Variants in FER1L6 observed in about 807,000 individuals in gnomAD.
The protein encoded by FER1L6 is fer-1-like protein 6.
FER1L6 carries 177 observed loss-of-function variants against 219.2 expected under a neutral mutation model. The observed-to-expected ratio is 0.81, with a 90% CI of 0.71 to 0.91. The LOEUF (loss-of-function observed/expected upper bound fraction) is 0.91, where lower values mean the gene tolerates loss of function less well. FER1L6 is among the 40% of genes least tolerant of loss of function. FER1L6 has a pLI of 0.00. For missense variants in FER1L6, 2,153 were observed against 2,259.9 expected (o/e 0.95, Z 0.96); for synonymous variants, 768 against 824.3 (o/e 0.93, Z 1.17).
intron 1 of FER1L6, among the ~76,000 whole-genome samples, chr8:123,868,498 A>C (rs1253074098): frequency 2.6e-5 from 4 of 152,128 alleles, no homozygotes; most frequent in Non-Finnish European, 5.9e-5. Flanking sequence ...ATTATGGCTC[A>C]TTTCTTTATA....
At chr8:123,856,860 T>G (rs1465625138) in intron 1 of FER1L6, among the ~76,000 whole-genome samples, 1 of 152,084 alleles carries the variant, frequency 6.6e-6, no homozygotes, top group Non-Finnish European at 1.5e-5. Context: ...ACTATTGCGG[T>G]GTGATGCATC....
chr8:123,946,125 G>A (rs1157754880), intron 1 of FER1L6, among the ~76,000 whole-genome samples: 1 of 152,168 alleles, frequency 6.6e-6, no homozygotes, highest in East Asian at 1.9e-4. Context: ...GCTAAACACA[G>A]GATAAATGAA....
chr8:124,052,654 G>A (rs145683117), intron 22 of FER1L6, among the ~76,000 whole-genome samples: 2,196 of 152,034 alleles, frequency 0.014, 64 homozygotes, highest in African/African-American at 0.05. Context: ...GCGTGGTGGC[G>A]CACATCTGTA....
At chr8:124,113,965 C>T (rs888279891) in intron 39 of FER1L6, among the ~76,000 whole-genome samples, 4 of 152,174 alleles carry the variant, frequency 2.6e-5, no homozygotes, top group Admixed American at 6.5e-5. Context: ...TTCCCCTCTG[C>T]CGTTAGCAAA....
intron 1 of FER1L6, among the ~76,000 whole-genome samples, chr8:123,890,625 A>ATTGTTTTTT: frequency 1.1e-5 from 1 of 91,424 alleles, no homozygotes; most frequent in Non-Finnish European, 2.0e-5. Flanking sequence ...TAAAAATTTG[A>ATTGTTTTTT]TTTTTTTTTT....
At chr8:123,944,705 A>G (rs547099050) in intron 1 of FER1L6, among the ~76,000 whole-genome samples, 1 of 152,274 alleles carries the variant, frequency 6.6e-6, no homozygotes, top group African/African-American at 2.4e-5. Context: ...ACACTATATG[A>G]GGTACAGGGT....
At chr8:124,081,605 C>CAAAAAAAAA in intron 32 of FER1L6, among the ~76,000 whole-genome samples, 1 of 53,026 alleles carries the variant, frequency 1.9e-5, no homozygotes, top group Non-Finnish European at 4.1e-5. Flanking sequence ...ATGCAGAGAC[C>CAAAAAAAAA]AAAAAAAAAA....
intron 1 of FER1L6, among the ~76,000 whole-genome samples, chr8:123,906,859 C>A (rs747677552): frequency 5.3e-5 from 8 of 151,972 alleles, no homozygotes; most frequent in African/African-American, 1.4e-4. Flanking sequence ...TTTAACCCCC[C>A]CTTTAAAGAA....
intron 12 of FER1L6, among the ~76,000 whole-genome samples, chr8:123,995,302 C>T (rs940150277): frequency 4.6e-5 from 7 of 152,168 alleles, no homozygotes; most frequent in Non-Finnish European, 8.8e-5. Context: ...CCATGGGGTC[C>T]TGGACTTTTC....
chr8:123,853,687 C>T lies in FER1L6; in HGVS notation c.-8+1502C>T, dbSNP rs936987446. Among the ~76,000 whole-genome samples the T allele has an allele frequency of 3.9e-5, 6 of 152,180 alleles. No individual in the cohort carries two copies. Among genetic ancestry groups the T allele is most frequent in the Admixed American group, 2.6e-4 (4 of 15,282 alleles). ...ATTTTGAGAGAACCTATCCAAGTTG[C>T]ACGTATGCAGGTGACATGCTCATGG... On this transcript the variant is annotated intron_variant, in intron 1 of 40. Coordinates refer to ENST00000522917, the MANE Select transcript of FER1L6 (RefSeq NM_001039112.2). This position sits in a 1 kb window ranked among gnomAD's most constrained non-coding sequence, Gnocchi z 6.6.
At chr8:124,010,506 C>T (rs1817872856) in intron 13 of FER1L6, 88 bp from the exon 14 acceptor site, 1 of 1,520,408 alleles carries the variant, frequency 6.6e-7, no homozygotes, top group Non-Finnish European at 8.9e-7. Flanking sequence ...CGAGTCCTGC[C>T]CAGAACGTAT....
chr8:123,990,430 G>A (rs1816801613), intron 12 of FER1L6, among the ~76,000 whole-genome samples: 1 of 152,096 alleles, frequency 6.6e-6, no homozygotes, highest in Non-Finnish European at 1.5e-5. Context: ...GGCTGGGGTA[G>A]GATGGTATCT....
At chr8:124,058,826 A>G (rs1368478944) in intron 22 of FER1L6, 1 of 152,080 alleles carries the variant, frequency 6.6e-6, no homozygotes, top group African/African-American at 2.4e-5. Context: ...TGCCATCCTC[A>G]TTATTTACCA....
At chr8:123,981,719 A>G (rs1314971435) in intron 11 of FER1L6, among the ~76,000 whole-genome samples, 1 of 152,054 alleles carries the variant, frequency 6.6e-6, no homozygotes, top group Non-Finnish European at 1.5e-5. Context: ...TGGTTGGAGC[A>G]TAGGGCTGGA....
At chr8:123,936,216 C>A (rs149207912) in intron 1 of FER1L6, among the ~76,000 whole-genome samples, 39 of 152,102 alleles carry the variant, frequency 2.6e-4, no homozygotes, top group African/African-American at 8.9e-4. Flanking sequence ...TGCTCTGAAC[C>A]CCCCAACCCA....
intron 11 of FER1L6, among the ~76,000 whole-genome samples, chr8:123,983,677 A>G (rs990372779): frequency 2.0e-5 from 3 of 152,198 alleles, no homozygotes; most frequent in Non-Finnish European, 4.4e-5. Flanking sequence ...CATTGCCTGC[A>G]TTTGAACCTG....
chr8:123,884,825 C>A (rs1011866841), intron 1 of FER1L6, among the ~76,000 whole-genome samples: 1 of 152,170 alleles, frequency 6.6e-6, no homozygotes, highest in African/African-American at 2.4e-5. Context: ...TCTGCATATG[C>A]TTTCACCTGA....
At chr8:123,913,497 G>A (rs543044839) in intron 1 of FER1L6, among the ~76,000 whole-genome samples, 7 of 152,232 alleles carry the variant, frequency 4.6e-5, no homozygotes, top group African/African-American at 1.4e-4. Context: ...AGAGTGAAAG[G>A]AGGCTTGGTC....
chr8:124,100,670 C>T (rs1230033855), intron 37 of FER1L6, among the ~76,000 whole-genome samples: 1 of 152,180 alleles, frequency 6.6e-6, no homozygotes, highest in East Asian at 1.9e-4. Flanking sequence ...GCATGCCTGA[C>T]AGCACAGGTC....
Sources: gnomAD v4.1 joint callset for allele counts (sites outside exome capture counted in the v4.1 genomes callset) on GRCh38, gnomAD v4.1.1 for gene constraint, Gnocchi (gnomAD v3.1) non-coding constraint, MANE v1.5 for transcripts, NCBI Gene and HGNC (gene_info 2026-07-23, HGNC 2026-07-21) for gene names.